Variants in BIK observed in about 807,000 individuals in gnomAD.
BIK encodes BCL2 interacting killer, also known as bcl-2-interacting killer.
A neutral mutation model predicts 12.1 loss-of-function variants in BIK; 14 were observed. The ratio of observed to expected loss-of-function variants is 1.16; its 90% CI spans 0.77 to 1.81. BIK has a LOEUF of 1.81. BIK is among the 40% of genes most tolerant of loss of function. The pLI, the probability that BIK is intolerant of heterozygous loss-of-function variation, is 0.00. For synonymous variants in BIK, 86 were observed against 92.3 expected (o/e 0.93, Z 0.39); for missense variants, 215 against 207.9 (o/e 1.03, Z -0.21).
At chr22:43,116,737 G>A (rs1247863587) in intron 1 of BIK, among the ~76,000 whole-genome samples, 2 of 152,160 alleles carry the variant, frequency 1.3e-5, no homozygotes, top group African/African-American at 2.4e-5. Context: ...GATTACAGGC[G>A]TAAGCCACCG....
rs778636830 is a variant in BIK at position 43,128,452 on chromosome 22, C to T, written c.261-44C>T. On this transcript the variant is annotated intron_variant, in intron 3 of 4. Coordinates refer to ENST00000216115, the MANE Select transcript of BIK (RefSeq NM_001197.5). ...TCTAAGTACAGGCTGCCCCTACCTGCTCCTGCAGTAATGGCTTTGTCCCCC... is the reference window on the plus strand; with the variant it reads ...TCTAAGTACAGGCTGCCCCTACCTGTTCCTGCAGTAATGGCTTTGTCCCCC... 2.5e-6 allele frequency: 4 copies of T among 1,602,946 alleles called. No individual in the cohort carries two copies. In the Admixed American group the frequency reaches 6.7e-5, roughly 27 times the overall value.
chr22:43,111,345 G>A lies in BIK; in HGVS notation c.-8+542G>A, dbSNP rs536558363. ...GAAAGGCTTCGTAACGGGACGCCCAGAAAGTCCGGAACAGGAACGTGCACA... is the reference window on the plus strand; with the variant it reads ...GAAAGGCTTCGTAACGGGACGCCCAAAAAGTCCGGAACAGGAACGTGCACA... On this transcript the variant is annotated intron_variant, in intron 1 of 4. Coordinates refer to ENST00000216115, the MANE Select transcript of BIK (RefSeq NM_001197.5). Among the ~76,000 whole-genome samples, 13 of 152,364 alleles carry A rather than the reference G, an allele frequency of 8.5e-5. No individual in the cohort carries two copies. The East Asian group carries it at 2.5e-3, about 29-fold the overall frequency.
intron 1 of BIK, among the ~76,000 whole-genome samples, chr22:43,123,697 G>C (rs369844414): frequency 8.5e-5 from 13 of 152,290 alleles, no homozygotes; most frequent in African/African-American, 3.1e-4. Flanking sequence ...GTTGCAGTGA[G>C]CCAAGATTGT....
chr22:43,111,199 A>G (rs901966938), intron 1 of BIK, among the ~76,000 whole-genome samples: 3 of 152,212 alleles, frequency 2.0e-5, no homozygotes. Context: ...GTAGCGCGGC[A>G]ACGCCAGCCC....
chr22:43,129,491 T>G lies in BIK; in HGVS notation c.*186T>G. 1 of 1,038,740 alleles carries G rather than the reference T, an allele frequency of 9.6e-7. No individual in the cohort carries two copies. The highest frequency in any genetic ancestry group is 3.2e-5 in the Admixed American group (1 of 31,628). The allele number at this position is 1,038,740 out of a possible 1,614,324, so 64.3% of individuals were successfully genotyped here. ...TTTTTGTTTTTTTTTTATTCCAGTT[T>G]TCGTTTTTTCTAAAAGATGAATTCC... On this transcript the variant is annotated 3_prime_UTR_variant, in exon 5 of 5. Coordinates refer to ENST00000216115, the MANE Select transcript of BIK (RefSeq NM_001197.5).
chr22:43,127,392 C>T (rs4988429), intron 2 of BIK, among the ~76,000 whole-genome samples: 5 of 152,334 alleles, frequency 3.3e-5, no homozygotes, highest in South Asian at 4.1e-4. Flanking sequence ...CACCCCCAGA[C>T]CTGCCTGTTC....
intron 1 of BIK, among the ~76,000 whole-genome samples, chr22:43,112,794 A>G (rs1406195148): frequency 6.6e-6 from 1 of 152,108 alleles, no homozygotes; most frequent in East Asian, 1.9e-4. Context: ...GGTCCTAGCT[A>G]CGCAGGAGGC....
rs768176790 is a variant in BIK, at chr22:43,129,247, TGCTGCTGGCGCTGCTGCTGCC to T, written c.432_452del (p.Ala145_Leu151del). ...GAACAGGTGCTGCTGGCGCTGCTGCTGCTGCTGGCGCTGCTGCTGCCGCTGCTCAGCGGGGGCCTGCACCTG... is the reference window on the plus strand; with the variant it reads ...GAACAGGTGCTGCTGGCGCTGCTGCTGCTGCTCAGCGGGGGCCTGCACCTG... On this transcript the variant is annotated inframe_deletion, in exon 5 of 5. Transcript: ENST00000216115. 8.8e-6 allele frequency: 14 copies of T among 1,597,518 alleles called. No individual in the cohort carries two copies. The highest frequency in any genetic ancestry group is 5.5e-5 in the South Asian group (5 of 90,430).
chr22:43,121,440 G>A (rs1043990906), intron 1 of BIK, among the ~76,000 whole-genome samples: 1 of 152,172 alleles, frequency 6.6e-6, no homozygotes, highest in African/African-American at 2.4e-5. Flanking sequence ...GGTGGCTGGG[G>A]CCTTCTTCCT....
intron 3 of BIK, 54 bp downstream of exon 3, chr22:43,127,849 G>A: frequency 6.7e-7 from 1 of 1,497,784 alleles, no homozygotes; most frequent in South Asian, 1.2e-5. Flanking sequence ...CTGGGCGGTG[G>A]GTGGAGGCCC....
At chr22:43,123,894 C>T (rs144246674) in intron 1 of BIK, 122 bp from the exon 2 acceptor site, 17 of 1,031,236 alleles carry the variant, frequency 1.6e-5, no homozygotes, top group East Asian at 7.8e-5. Context: ...GGGATATTGA[C>T]GGCTTTAGCG....
At chr22:43,128,764 G>A in intron 4 of BIK, 139 bp downstream of exon 4, 2 of 1,289,942 alleles carry the variant, frequency 1.6e-6, no homozygotes, top group South Asian at 1.5e-5. Context: ...CTGATCCCAT[G>A]GGCTTTTGGG....
intron 3 of BIK, among the ~76,000 whole-genome samples, chr22:43,128,250 A>G (rs1930360055): frequency 6.6e-6 from 1 of 152,086 alleles, no homozygotes; most frequent in Admixed American, 6.6e-5. Context: ...AGGGCCAAAC[A>G]CCCGGTGGGC....
chr22:43,121,812 C>A (rs1192068200), intron 1 of BIK, among the ~76,000 whole-genome samples: 1 of 152,156 alleles, frequency 6.6e-6, no homozygotes, highest in African/African-American at 2.4e-5. Context: ...ATCTGTGAAA[C>A]CTTATTTTTT....
Position 43,127,794 on chromosome 22 carries a change from A to G in BIK, c.259A>G (p.Ser87Gly), listed in dbSNP as rs757819475. 9.2e-5 allele frequency: 142 copies of G among 1,549,326 alleles called. No individual in the cohort carries two copies. The highest frequency in any genetic ancestry group is 1.2e-4 in the Non-Finnish European group (134 of 1,146,286). The change falls in exon 3 of 5, where the codon AGC becomes GGC. Residue 87 changes from serine to glycine, a missense_variant and splice_region_variant. By Grantham distance (56) the Ser-to-Gly change is moderately conservative. Coordinates refer to ENST00000216115, the MANE Select transcript of BIK (RefSeq NM_001197.5). ...LAQLSEVAMH[S>G]LGLAFIYDQT... ...CCAGCTCTCCGAGGTGGCCATGCACAGGTAGCCGGCCTATGCCCTATGCCT... is the reference window on the plus strand; with the variant it reads ...CCAGCTCTCCGAGGTGGCCATGCACGGGTAGCCGGCCTATGCCCTATGCCT...
Position 43,112,646 on chromosome 22 carries a change from G to A in BIK, c.-8+1843G>A, listed in dbSNP as rs542970369. Among the ~76,000 whole-genome samples the A allele has an allele frequency of 5.9e-5, 9 of 151,562 alleles. No homozygotes were observed. The South Asian group carries it at 1.7e-3, about 28-fold the overall frequency. ...CATTTGACTCGTGCCTGTAATCCTA[G>A]CACTTTGGGAGGCTGAGGCAGGAGG... On this transcript the variant is annotated intron_variant, in intron 1 of 4. Coordinates refer to ENST00000216115, the MANE Select transcript of BIK (RefSeq NM_001197.5).
chr22:43,126,187 G>GTTTTTTT (rs1930311138), intron 2 of BIK, among the ~76,000 whole-genome samples: 1 of 146,612 alleles, frequency 6.8e-6, no homozygotes, highest in African/African-American at 2.6e-5. Flanking sequence ...AGCATGCCCG[G>GTTTTTTT]CTTTTTTTTT....
intron 2 of BIK, among the ~76,000 whole-genome samples, chr22:43,126,501 C>G (rs879776360): frequency 1.3e-5 from 2 of 152,148 alleles, no homozygotes; most frequent in African/African-American, 4.8e-5. Flanking sequence ...CTGGCACTTT[C>G]ATTCTTCCCC....
At chr22:43,116,436 C>T (rs928013837) in intron 1 of BIK, among the ~76,000 whole-genome samples, 9 of 151,520 alleles carry the variant, frequency 5.9e-5, no homozygotes, top group African/African-American at 2.2e-4. Context: ...TAAGCTGTGA[C>T]GTTGGGTAGG....
Sources: allele counts gnomAD v4.1 joint callset (sites outside exome capture counted in the v4.1 genomes callset), GRCh38; gene constraint gnomAD v4.1.1; transcripts MANE v1.5; gene names NCBI Gene and HGNC (gene_info 2026-07-23, HGNC 2026-07-21).